Variants in DENND1A observed in about 807,000 individuals in gnomAD.
DENND1A encodes DENN domain-containing protein 1A.
In DENND1A, 51 loss-of-function variants were observed where a neutral mutation model predicts 113.7. That is an observed-to-expected ratio of 0.45 (90% confidence interval 0.36 to 0.57). The LOEUF is 0.57. Among genes scored for constraint, DENND1A ranks in the 20% least tolerant of loss-of-function variants. The pLI is 0.00. For missense variants in DENND1A, 1,258 were observed against 1,395.9 expected, an observed-to-expected ratio of 0.90 and a Z score of 1.57; for synonymous variants, 565 against 570.8, an observed-to-expected ratio of 0.99 and a Z score of 0.14.
intron 1 of DENND1A, among the ~76,000 whole-genome samples, chr9:123,891,622 T>C (rs1849910010): frequency 6.6e-6 from 1 of 152,236 alleles, no homozygotes; most frequent in Non-Finnish European, 1.5e-5. Flanking sequence ...CCTTGAAATA[T>C]ACACTTTAAT....
At chr9:123,498,284 T>G (rs745519242) in intron 13 of DENND1A, among the ~76,000 whole-genome samples, 10 of 152,228 alleles carry the variant, frequency 6.6e-5, no homozygotes, top group Non-Finnish European at 1.2e-4. Flanking sequence ...AGACCATCCC[T>G]GTGGGGAAGG....
At chr9:123,782,165 T>C (rs908235803) in intron 3 of DENND1A, among the ~76,000 whole-genome samples, 1 of 152,240 alleles carries the variant, frequency 6.6e-6, no homozygotes. Context: ...AAAGTATTTC[T>C]AGCTGCCATT....
chr9:123,832,382 G>A (rs1840359079), intron 2 of DENND1A, among the ~76,000 whole-genome samples: 1 of 152,196 alleles, frequency 6.6e-6, no homozygotes, highest in Admixed American at 6.5e-5. Flanking sequence ...AATAGTAAGT[G>A]TTGGTGATGA....
chr9:123,772,019 A>G (rs1049585112), intron 3 of DENND1A, among the ~76,000 whole-genome samples: 3 of 152,304 alleles, frequency 2.0e-5, no homozygotes, highest in East Asian at 3.9e-4. Flanking sequence ...AAAAACAAAA[A>G]TGAGCATCTA....
intron 1 of DENND1A, among the ~76,000 whole-genome samples, chr9:123,899,474 C>A (rs1265868519): frequency 1.3e-5 from 2 of 152,146 alleles, no homozygotes; most frequent in Non-Finnish European, 2.9e-5. Context: ...ATGGCCTTTT[C>A]CCAATTTGCA....
intron 5 of DENND1A, among the ~76,000 whole-genome samples, chr9:123,704,519 T>C (rs1005090527): frequency 1.3e-5 from 2 of 152,168 alleles, no homozygotes; most frequent in Non-Finnish European, 2.9e-5. Context: ...ATGGCAAACA[T>C]ATTTATAGAG....
chr9:123,719,576 C>T (rs753141874), intron 5 of DENND1A, among the ~76,000 whole-genome samples: 6 of 152,088 alleles, frequency 3.9e-5, no homozygotes, highest in Admixed American at 6.5e-5. Context: ...TCAGTTAAAT[C>T]GCAGACTGAG....
At chr9:123,563,503 T>A (rs1052915290) in intron 12 of DENND1A, among the ~76,000 whole-genome samples, 1 of 152,242 alleles carries the variant, frequency 6.6e-6, no homozygotes, top group Non-Finnish European at 1.5e-5. Flanking sequence ...ATGTACAACA[T>A]GTATACATTG....
Position 123,700,326 on chromosome 9 carries a change from T to C in DENND1A, c.303-23537A>G, listed in dbSNP as rs891695008. 2.0e-5 allele frequency among the ~76,000 whole-genome samples: 3 copies of C among 152,192 alleles called. No individual in the cohort carries two copies. The East Asian group carries it at 5.8e-4, about 29-fold the overall frequency. On this transcript the variant is annotated intron_variant, in intron 5 of 23. Coordinates refer to ENST00000394215, the MANE Select transcript of DENND1A (RefSeq NM_001352964.2). ...TTATTGCATTGACTCTATAGATCAATTTGGGGAGAACTGACATCTGTATCA... is the reference window on the plus strand; with the variant it reads ...TTATTGCATTGACTCTATAGATCAACTTGGGGAGAACTGACATCTGTATCA...
chr9:123,835,158 C>G (rs944454569), intron 2 of DENND1A, among the ~76,000 whole-genome samples: 3 of 148,208 alleles, frequency 2.0e-5, no homozygotes, highest in African/African-American at 7.4e-5. Flanking sequence ...ACTCGGTGAA[C>G]TAATCAGGAC....
intron 13 of DENND1A, among the ~76,000 whole-genome samples, chr9:123,524,775 A>G (rs2054678214): frequency 1.3e-5 from 2 of 152,210 alleles, no homozygotes; most frequent in Admixed American, 6.5e-5. Flanking sequence ...CACGTACTCA[A>G]CATTTGTACC....
intron 10 of DENND1A, among the ~76,000 whole-genome samples, chr9:123,609,920 C>T (rs919188538): frequency 2.0e-5 from 3 of 152,202 alleles, no homozygotes; most frequent in East Asian, 1.9e-4. Flanking sequence ...GGATGAAGGG[C>T]ATAATGTGTT....
At chr9:123,669,847 G>A (rs1170158217) in intron 7 of DENND1A, among the ~76,000 whole-genome samples, 2 of 152,160 alleles carry the variant, frequency 1.3e-5, no homozygotes, top group African/African-American at 2.4e-5. Context: ...ATGGGCAAAA[G>A]TCTCTGTAAA....
chr9:123,565,547 C>T (rs954729403), intron 12 of DENND1A, among the ~76,000 whole-genome samples: 1 of 152,164 alleles, frequency 6.6e-6, no homozygotes, highest in African/African-American at 2.4e-5. Flanking sequence ...GTCACATTTT[C>T]CTCCCCCCTT....
chr9:123,716,493 G>T (rs1283247704), intron 5 of DENND1A, among the ~76,000 whole-genome samples: 1 of 152,200 alleles, frequency 6.6e-6, no homozygotes, highest in East Asian at 1.9e-4. Flanking sequence ...TGTAGTCACA[G>T]TCCATCAGTT....
intron 13 of DENND1A, among the ~76,000 whole-genome samples, chr9:123,516,313 T>A (rs940515761): frequency 6.6e-6 from 1 of 152,046 alleles, no homozygotes; most frequent in Non-Finnish European, 1.5e-5. Flanking sequence ...GAAAGATGTA[T>A]TTGTTACAAT....
intron 18 of DENND1A, among the ~76,000 whole-genome samples, chr9:123,443,493 T>C (rs968645980): frequency 1.3e-5 from 2 of 152,264 alleles, no homozygotes; most frequent in African/African-American, 4.8e-5. Flanking sequence ...AAAGCAGTGC[T>C]GCACCTTCAT....
chr9:123,715,745 G>A (rs189188836), intron 5 of DENND1A, among the ~76,000 whole-genome samples: 1 of 152,168 alleles, frequency 6.6e-6, no homozygotes, highest in Non-Finnish European at 1.5e-5. Flanking sequence ...GAGTGTGGTG[G>A]TACAACCTCC....
At chr9:123,657,152 C>T (rs1215685490) in intron 8 of DENND1A, among the ~76,000 whole-genome samples, 1 of 152,192 alleles carries the variant, frequency 6.6e-6, no homozygotes, top group African/African-American at 2.4e-5. Flanking sequence ...AGACTCTTGG[C>T]TCCCACTTCT....
Sources: allele counts gnomAD v4.1 joint callset (sites outside exome capture counted in the v4.1 genomes callset), GRCh38; gene constraint gnomAD v4.1.1; transcripts MANE v1.5; gene names NCBI Gene and HGNC (gene_info 2026-07-23, HGNC 2026-07-21).